The following GNG2 variants were observed in gnomAD, a reference collection of about 807,000 sequenced individuals.
The protein encoded by GNG2 is G protein subunit gamma 2.
Under a neutral mutation model 5.5 loss-of-function variants are expected in GNG2, and 5 were observed. The observed-to-expected ratio is 0.91, with a 90% CI of 0.48 to 1.92. GNG2 has a LOEUF of 1.92. GNG2 is among the 30% of genes most tolerant of loss of function. The probability of loss-of-function intolerance (pLI) is 0.01; values close to 1 mark genes in which losing one functional copy is unlikely to be tolerated. For missense variants in GNG2, 55 were observed against 88.4 expected (o/e 0.62, Z 1.52); for synonymous variants, 28 against 32.0 (o/e 0.88, Z 0.42).
At position 51,845,164 on chromosome 14, in the gene GNG2, T is replaced by C. The variant is rs1881587857; in HGVS notation, c.64+17357T>C. Among the ~76,000 whole-genome samples, 9 of 152,332 alleles carry C rather than the reference T, an allele frequency of 5.9e-5. No individual in the cohort carries two copies. In the South Asian group the frequency reaches 1.7e-3, roughly 28 times the overall value. On this transcript the variant is annotated intron_variant, in intron 2 of 3. Transcript: ENST00000553432. ...TGTTTCTCTATGGGCTAAATTAGTG[T>C]ATCATATGGGCCAAATCACTTTTTA... is the stretch of plus-strand genomic sequence containing the variant.
intron 2 of GNG2, among the ~76,000 whole-genome samples, chr14:51,893,926 T>C (rs1885022896): frequency 6.6e-6 from 1 of 152,140 alleles, no homozygotes; most frequent in Non-Finnish European, 1.5e-5. Context: ...TTCTGTACTT[T>C]TTATTATATT....
At chr14:51,899,711 T>C (rs143157872) in intron 2 of GNG2, among the ~76,000 whole-genome samples, 1 of 152,376 alleles carries the variant, frequency 6.6e-6, no homozygotes, top group Non-Finnish European at 1.5e-5. Context: ...AGCATTCTGC[T>C]TTCTGTCTCT....
chr14:51,828,321 C>T (rs546083910), intron 2 of GNG2, among the ~76,000 whole-genome samples: 12 of 152,240 alleles, frequency 7.9e-5, no homozygotes, highest in East Asian at 1.9e-4. Flanking sequence ...GCCTGAGCTC[C>T]GGATTGTTTC....
At chr14:51,900,676 T>C (rs925389932) in intron 2 of GNG2, among the ~76,000 whole-genome samples, 3 of 151,710 alleles carry the variant, frequency 2.0e-5, no homozygotes, top group Non-Finnish European at 2.9e-5. Context: ...TTCTGTGTCT[T>C]CTTTCCATGT....
chr14:51,925,447 C>T (rs1014039101), intron 2 of GNG2, among the ~76,000 whole-genome samples: 1 of 152,118 alleles, frequency 6.6e-6, no homozygotes, highest in African/African-American at 2.4e-5. Context: ...TCTTTGAGGC[C>T]AACCTCTTCC....
At chr14:51,920,755 A>G (rs999504352) in intron 2 of GNG2, among the ~76,000 whole-genome samples, 2 of 152,180 alleles carry the variant, frequency 1.3e-5, no homozygotes, top group Admixed American at 6.5e-5. Context: ...TGCCTTCACC[A>G]TGAATTTTAC....
chr14:51,851,921 T>TTACATCAGC (rs1282348670), intron 2 of GNG2, among the ~76,000 whole-genome samples: 2 of 152,236 alleles, frequency 1.3e-5, no homozygotes, highest in African/African-American at 4.8e-5. Flanking sequence ...TTTTCCACTT[T>TTACATCAGC]TACATCAGCT....
At chr14:51,840,414 C>T (rs945131350) in intron 2 of GNG2, among the ~76,000 whole-genome samples, 2 of 152,198 alleles carry the variant, frequency 1.3e-5, no homozygotes, top group African/African-American at 4.8e-5. Context: ...ATTTGTCTTC[C>T]TCCCTCTTTA....
At chr14:51,900,706 A>G (rs921497879) in intron 2 of GNG2, among the ~76,000 whole-genome samples, 2 of 151,920 alleles carry the variant, frequency 1.3e-5, no homozygotes, top group Non-Finnish European at 2.9e-5. Context: ...GAGGGTAGAA[A>G]TGGGCCTGGG....
chr14:51,902,272 T>C (rs1885615638), intron 2 of GNG2, among the ~76,000 whole-genome samples: 1 of 152,190 alleles, frequency 6.6e-6, no homozygotes, highest in African/African-American at 2.4e-5. Flanking sequence ...ATTGAAAATA[T>C]AATAGGTACA....
At chr14:51,917,441 C>T (rs111422009) in intron 2 of GNG2, 4,567 of 456,004 alleles carry the variant, frequency 0.01, 173 homozygotes, top group African/African-American at 0.081. Context: ...TCCTGTGAGA[C>T]GTAGCATCCT....
chr14:51,837,825 A>G (rs1445453023), intron 2 of GNG2, among the ~76,000 whole-genome samples: 2 of 152,200 alleles, frequency 1.3e-5, no homozygotes, highest in East Asian at 1.9e-4. Context: ...AAATTGGTTC[A>G]TGTCCAGAGG....
At chr14:51,932,557 A>C (rs1166391569) in intron 2 of GNG2, among the ~76,000 whole-genome samples, 1 of 151,486 alleles carries the variant, frequency 6.6e-6, no homozygotes, top group Non-Finnish European at 1.5e-5. Context: ...CCAGTAGGTC[A>C]AGGCTGCAGT....
intron 2 of GNG2, among the ~76,000 whole-genome samples, chr14:51,851,631 C>T (rs1416477823): frequency 6.6e-6 from 1 of 152,214 alleles, no homozygotes; most frequent in Non-Finnish European, 1.5e-5. Flanking sequence ...TGATGACTGT[C>T]ATAGATGGTG....
intron 2 of GNG2, among the ~76,000 whole-genome samples, chr14:51,927,995 C>T (rs945313107): frequency 6.7e-6 from 1 of 149,144 alleles, no homozygotes; most frequent in Non-Finnish European, 1.5e-5. Flanking sequence ...TCTGAAGTCT[C>T]AATTGGGTAT....
chr14:51,911,657 C>T (rs1247852431), intron 2 of GNG2, among the ~76,000 whole-genome samples: 1 of 126,260 alleles, frequency 7.9e-6, no homozygotes, highest in African/African-American at 3.3e-5. Flanking sequence ...AATCCTCCCA[C>T]CTCAGCCTCC....
intron 2 of GNG2, among the ~76,000 whole-genome samples, chr14:51,946,952 T>C (rs1015045030): frequency 5.9e-5 from 9 of 152,078 alleles, no homozygotes; most frequent in African/African-American, 1.9e-4. Flanking sequence ...AAGGGAAAAA[T>C]GCACTAATTG....
In GNG2 at chr14:51,827,849, G is replaced by A. The variant is rs776220213; in HGVS notation, c.64+42G>A. 1.4e-5 allele frequency: 9 copies of A among 645,270 alleles called. No homozygotes were observed. In the South Asian group the frequency reaches 1.6e-4, roughly 11 times the overall value. The allele number at this position is 645,270 out of a possible 1,614,324, so 40.0% of individuals were successfully genotyped here. ...GGTGATGGAAGGATACTGCAAAGAG[G>A]AAAACGTTGAAGTGTTTATTCTCTG... On this transcript the variant is annotated intron_variant, in intron 2 of 3. Coordinates refer to the GNG2 transcript ENST00000553432.
intron 2 of GNG2, among the ~76,000 whole-genome samples, chr14:51,832,282 GA>G (rs55777420): frequency 0.48 from 45,426 of 93,958 alleles, 7,943 homozygotes; most frequent in Non-Finnish European, 0.59. Flanking sequence ...CTGTTACAGG[GA>G]GAAAAAAAAA....
Sources: allele counts gnomAD v4.1 joint callset (sites outside exome capture counted in the v4.1 genomes callset), GRCh38; gene constraint gnomAD v4.1.1; transcripts MANE v1.5; gene names NCBI Gene and HGNC (gene_info 2026-07-23, HGNC 2026-07-21).